Variants in PUM2 observed in about 807,000 individuals in gnomAD.
PUM2 encodes the protein pumilio homolog 2.
PUM2 carries 57 observed loss-of-function variants against 124.5 expected under a neutral mutation model. That is an observed-to-expected ratio of 0.46 (90% CI 0.37 to 0.57). PUM2 has a LOEUF of 0.57. PUM2 is among the 20% of genes least tolerant of loss of function. PUM2 has a pLI of 0.00. For synonymous variants in PUM2, 460 were observed against 446.1 expected (o/e 1.03, Z -0.39); for missense variants, 1,065 against 1,290.6 (o/e 0.83, Z 2.68).
chr2:20,257,937 T>TA (rs1377936589), intron 16 of PUM2, among the ~76,000 whole-genome samples: 2 of 152,178 alleles, frequency 1.3e-5, no homozygotes, highest in Non-Finnish European at 2.9e-5. Context: ...ACCATCAAAA[T>TA]AAGCACTGGA....
intron 12 of PUM2, among the ~76,000 whole-genome samples, chr2:20,280,485 T>C (rs1671258063): frequency 6.7e-6 from 1 of 150,334 alleles, no homozygotes; most frequent in Non-Finnish European, 1.5e-5. Context: ...AAAATATGGC[T>C]ACATTTTAAA....
At chr2:20,264,864 A>G (rs755957129) in intron 13 of PUM2, among the ~76,000 whole-genome samples, 19 of 152,174 alleles carry the variant, frequency 1.2e-4, no homozygotes, top group Non-Finnish European at 2.1e-4. Context: ...CTGGAGAGTA[A>G]ATTGGGTTAG....
intron 7 of PUM2, among the ~76,000 whole-genome samples, chr2:20,298,463 A>G (rs1676167352): frequency 6.6e-6 from 1 of 152,272 alleles, no homozygotes; most frequent in African/African-American, 2.4e-5. Context: ...ATACATTTGC[A>G]GTACTCATTA....
intron 5 of PUM2, among the ~76,000 whole-genome samples, chr2:20,309,362 A>G (rs1679087021): frequency 6.6e-6 from 1 of 152,026 alleles, no homozygotes; most frequent in Admixed American, 6.6e-5. Flanking sequence ...ACCATCAGAA[A>G]GAAATCGAAA....
Position 20,278,637 on chromosome 2 carries a change from G to C in PUM2, c.1903C>G (p.Leu635Val), listed in dbSNP as rs749190948. ...PLPSQTPGHS[L>V]TPPPSLSSHG... is the part of the protein sequence containing the mutation. ...GATGAAAGTGATGGCGGTGGCGTAAGTGAATGTCCTGGAGTTTGGCTTGGC... is the reference window on the plus strand; with the variant it reads ...GATGAAAGTGATGGCGGTGGCGTAACTGAATGTCCTGGAGTTTGGCTTGGC... The change falls in exon 13 of 21, where the codon CTT becomes GTT. Residue 635 changes from leucine to valine, a missense_variant. By Grantham distance (32) the Leu-to-Val change is conservative (BLOSUM62 1). This residue lies in a region of PUM2 where 968 missense variants were observed against 1,159.8 expected (regional missense o/e 0.83). Transcript: ENST00000361078. 2 of 1,613,480 alleles carry C rather than the reference G, an allele frequency of 1.2e-6. No homozygotes were observed. The highest frequency in any genetic ancestry group is 2.2e-5 in the South Asian group (2 of 91,064).
chr2:20,315,836 CAA>C (rs60828412), intron 3 of PUM2, among the ~76,000 whole-genome samples: 788 of 72,322 alleles, frequency 0.011, 2 homozygotes, highest in East Asian at 0.017. Context: ...AACCTGGTCT[CAA>C]AAAAAAAAAA....
chr2:20,308,727 T>TGAAAAACAAA, intron 5 of PUM2, 143 bp from the exon 6 acceptor site: 2 of 716,238 alleles, frequency 2.8e-6, no homozygotes, highest in Non-Finnish European at 4.4e-6. Flanking sequence ...CCTTATCACA[T>TGAAAAACAAA]TTTTTTCTAT....
chr2:20,269,012 T>C (rs956510197), intron 13 of PUM2, among the ~76,000 whole-genome samples: 6 of 152,056 alleles, frequency 3.9e-5, no homozygotes, highest in Admixed American at 6.5e-5. Flanking sequence ...AAATAACTTA[T>C]CCAAGAAAGC....
chr2:20,344,621 C>A (rs540585539), intron 1 of PUM2, among the ~76,000 whole-genome samples: 11 of 152,272 alleles, frequency 7.2e-5, no homozygotes, highest in Admixed American at 1.3e-4. Flanking sequence ...AGGATTACTA[C>A]GGCTATTAAT....
chr2:20,283,375 G>A lies in PUM2; in HGVS notation c.1403C>T (p.Pro468Leu). The A allele has an allele frequency of 6.2e-7, 1 of 1,614,086 alleles. No individual in the cohort carries two copies. The highest frequency in any genetic ancestry group is 8.5e-7 in the Non-Finnish European group (1 of 1,180,014). Residue 468 changes from proline (P) to leucine (L), a missense_variant, in exon 11 of 21, where the codon CCT (proline) becomes CTT (leucine). Physicochemically the swap from Pro to Leu is moderately conservative, Grantham distance 98. This residue lies in a region of PUM2 where 968 missense variants were observed against 1,159.8 expected (regional missense o/e 0.83). Coordinates refer to ENST00000361078, the MANE Select transcript of PUM2 (RefSeq NM_015317.5). The stretch of plus-strand genomic sequence containing the variant: ...TGCTGCTGCTGAACTAATTAAAACA[G>A]GTGTTGGAGCCATTAACCGAACTGG... Reference protein sequence around the residue: ...GAPVRLMAPTPVLISSAAAQA... With the variant: ...GAPVRLMAPTLVLISSAAAQA...
At chr2:20,269,301 C>T (rs369518136) in intron 13 of PUM2, among the ~76,000 whole-genome samples, 21 of 152,110 alleles carry the variant, frequency 1.4e-4, no homozygotes, top group Admixed American at 7.2e-4. Flanking sequence ...CCCAGGTTCA[C>T]GCCATTCTCC....
intron 1 of PUM2, among the ~76,000 whole-genome samples, chr2:20,343,462 A>G (rs1353324502): frequency 6.6e-6 from 1 of 150,758 alleles, no homozygotes; most frequent in East Asian, 1.9e-4. Context: ...AATTTATTAA[A>G]TAAAATAGCA....
chr2:20,271,675 T>C (rs1401635944), intron 13 of PUM2, among the ~76,000 whole-genome samples: 1 of 152,172 alleles, frequency 6.6e-6, no homozygotes, highest in East Asian at 1.9e-4. Context: ...TAGCATTTAA[T>C]TTGGATTAAA....
intron 7 of PUM2, 65 bp downstream of exon 7, chr2:20,307,912 GA>G: frequency 6.4e-7 from 1 of 1,555,152 alleles, no homozygotes; most frequent in South Asian, 1.2e-5. Context: ...ATCAGTAAAC[GA>G]AAAGTGAAAC....
intron 7 of PUM2, among the ~76,000 whole-genome samples, chr2:20,304,810 G>T (rs1677831062): frequency 6.6e-6 from 1 of 152,104 alleles, no homozygotes; most frequent in African/African-American, 2.4e-5. Flanking sequence ...GTTCCATATT[G>T]ACTACATTTT....
intron 12 of PUM2, among the ~76,000 whole-genome samples, chr2:20,282,284 T>C (rs1483642731): frequency 1.3e-5 from 2 of 152,214 alleles, no homozygotes; most frequent in Non-Finnish European, 2.9e-5. Flanking sequence ...GGGTCAATTA[T>C]TTAGTGAAGC....
chr2:20,297,152 G>C lies in PUM2; in HGVS notation c.1009+401C>G, dbSNP rs554879769. 3.3e-5 allele frequency among the ~76,000 whole-genome samples: 5 copies of C among 152,256 alleles called. No individual in the cohort carries two copies. The South Asian group carries it at 1.0e-3, about 32-fold the overall frequency. On this transcript the variant is annotated intron_variant, in intron 8 of 20. Transcript: ENST00000361078. ...AGATACATATTTTCTCAGAATTACTGTATCTGTTTATCTTACTCTATTCTA... is the reference window on the plus strand; with the variant it reads ...AGATACATATTTTCTCAGAATTACTCTATCTGTTTATCTTACTCTATTCTA...
intron 10 of PUM2, among the ~76,000 whole-genome samples, chr2:20,289,712 CA>C (rs1226899468): frequency 6.6e-6 from 1 of 152,130 alleles, no homozygotes; most frequent in African/African-American, 2.4e-5. Flanking sequence ...CTTCAAACAA[CA>C]AACCAAAGTA....
intron 13 of PUM2, among the ~76,000 whole-genome samples, chr2:20,277,424 AC>A (rs910708338): frequency 2.0e-5 from 3 of 152,128 alleles, no homozygotes; most frequent in Admixed American, 1.3e-4. Flanking sequence ...CCATTTGAAT[AC>A]ATTAATTGGC....
Sources: allele counts gnomAD v4.1 joint callset (sites outside exome capture counted in the v4.1 genomes callset), GRCh38; gene constraint gnomAD v4.1.1; regional missense constraint gnomAD v4.1.1; transcripts MANE v1.5; gene names NCBI Gene and HGNC (gene_info 2026-07-23, HGNC 2026-07-21).